HTR4: variants seen among roughly 807,000 people sequenced by gnomAD.
The protein encoded by HTR4 is 5-hydroxytryptamine receptor 4.
A neutral mutation model predicts 36.8 loss-of-function variants in HTR4; 16 were observed. That is an observed-to-expected ratio of 0.43 (90% confidence interval 0.29 to 0.66). The LOEUF is 0.66. HTR4 is among the 30% of genes least tolerant of loss of function. HTR4 has a pLI of 0.13. For synonymous variants in HTR4, 189 were observed against 185.1 expected (o/e 1.02, Z -0.17); for missense variants, 438 against 490.9 (o/e 0.89, Z 1.02).
chr5:148,504,015 A>G (rs1261578715), intron 6 of HTR4, among the ~76,000 whole-genome samples: 1 of 152,222 alleles, frequency 6.6e-6, no homozygotes, highest in Admixed American at 6.5e-5. Context: ...AGACCTACAA[A>G]GAGACTTAGA....
chr5:148,474,111 AC>A (rs1245585712), downstream of HTR4, among the ~76,000 whole-genome samples: 1 of 152,072 alleles, frequency 6.6e-6, no homozygotes, highest in Non-Finnish European at 1.5e-5. Flanking sequence ...ATATCCCTTG[AC>A]CAACTGCCCA....
intron 1 of HTR4, among the ~76,000 whole-genome samples, chr5:148,644,421 AGTT>A (rs1753816410): frequency 4.7e-5 from 4 of 85,856 alleles, no homozygotes; most frequent in East Asian, 6.9e-4. Context: ...CAAGCTCACA[AGTT>A]TTTTTTTTTT....
At chr5:148,528,336 A>T (rs73797906) in intron 4 of HTR4, among the ~76,000 whole-genome samples, 2,011 of 152,244 alleles carry the variant, frequency 0.013, 49 homozygotes, top group African/African-American at 0.045. Flanking sequence ...ATAGAACATA[A>T]GGTTCTTATT....
At chr5:148,578,283 C>T (rs1761003992) in intron 2 of HTR4, among the ~76,000 whole-genome samples, 1 of 151,842 alleles carries the variant, frequency 6.6e-6, no homozygotes, top group African/African-American at 2.4e-5. Flanking sequence ...TTAGTCTGAA[C>T]TATTTTGCAA....
chr5:148,637,644 G>A (rs1177255296), intron 1 of HTR4, among the ~76,000 whole-genome samples: 1 of 152,062 alleles, frequency 6.6e-6, no homozygotes, highest in African/African-American at 2.4e-5. Context: ...GGAACCCCAG[G>A]CTAAGAATTC....
chr5:148,467,102 C>G (rs139122016), intron 5 of HTR4, among the ~76,000 whole-genome samples: 16 of 152,258 alleles, frequency 1.1e-4, no homozygotes, highest in Non-Finnish European at 1.6e-4. Context: ...CAATAAGGAT[C>G]CATTCACTCA....
intron 4 of HTR4, among the ~76,000 whole-genome samples, chr5:148,545,319 G>C (rs959263423): frequency 1.3e-5 from 2 of 152,194 alleles, no homozygotes; most frequent in Non-Finnish European, 2.9e-5. Context: ...CAAAGAGAAC[G>C]TGCTGACCAC....
intron 2 of HTR4, among the ~76,000 whole-genome samples, chr5:148,573,776 C>G (rs1219900379): frequency 2.0e-5 from 3 of 151,908 alleles, no homozygotes; most frequent in Non-Finnish European, 2.9e-5. Context: ...CAAAGCCTTA[C>G]AATGTAGTGA....
intron 2 of HTR4, among the ~76,000 whole-genome samples, chr5:148,584,206 C>G (rs184446004): frequency 2.9e-4 from 44 of 152,212 alleles, no homozygotes; most frequent in South Asian, 4.1e-4. Flanking sequence ...GTTAGCAAAA[C>G]CTTCTAAGAG....
chr5:148,605,055 G>C (rs1439288383), intron 2 of HTR4, among the ~76,000 whole-genome samples: 1 of 152,034 alleles, frequency 6.6e-6, no homozygotes, highest in Non-Finnish European at 1.5e-5. Flanking sequence ...TGATGGCTCA[G>C]ACAGTATAGG....
downstream of HTR4, among the ~76,000 whole-genome samples, chr5:148,477,512 G>A (rs1246388822): frequency 1.3e-5 from 2 of 152,170 alleles, no homozygotes. Context: ...AGATTTGGTG[G>A]AACCTGGGCT....
intron 6 of HTR4, among the ~76,000 whole-genome samples, chr5:148,486,165 C>T (rs2113725117): frequency 6.6e-6 from 1 of 152,296 alleles, no homozygotes; most frequent in Non-Finnish European, 1.5e-5. Context: ...AGAATAATGA[C>T]AGAGTGATCT....
intron 1 of HTR4, among the ~76,000 whole-genome samples, chr5:148,647,797 T>G (rs1753917749): frequency 6.6e-6 from 1 of 152,180 alleles, no homozygotes; most frequent in East Asian, 1.9e-4. Flanking sequence ...TTCAGTGAGC[T>G]GAGATTGCAC....
At chr5:148,550,950 A>T (rs944127459) in intron 2 of HTR4, among the ~76,000 whole-genome samples, 1 of 152,154 alleles carries the variant, frequency 6.6e-6, no homozygotes, top group Non-Finnish European at 1.5e-5. Flanking sequence ...CTCTACCTAT[A>T]AAACCTGCCA....
At chr5:148,511,807 A>G (rs1757513348) in intron 5 of HTR4, among the ~76,000 whole-genome samples, 1 of 152,128 alleles carries the variant, frequency 6.6e-6, no homozygotes, top group South Asian at 2.1e-4. Flanking sequence ...CATGCTCGCC[A>G]ACATTTGGAA....
intron 5 of HTR4, among the ~76,000 whole-genome samples, chr5:148,457,243 A>G (rs538942273): frequency 3.3e-5 from 5 of 152,228 alleles, no homozygotes; most frequent in Admixed American, 2.6e-4. Flanking sequence ...ACAACTCTAG[A>G]TGAGTGGGTA....
chr5:148,524,252 C>A (rs1758158064), intron 4 of HTR4, among the ~76,000 whole-genome samples: 1 of 152,158 alleles, frequency 6.6e-6, no homozygotes, highest in African/African-American at 2.4e-5. Context: ...TGGATAGGAC[C>A]AAGGGACTAG....
At chr5:148,488,879 A>G (rs971585948) in intron 6 of HTR4, among the ~76,000 whole-genome samples, 1 of 152,158 alleles carries the variant, frequency 6.6e-6, no homozygotes, top group Non-Finnish European at 1.5e-5. Flanking sequence ...TCAATACACC[A>G]AAGTGCGAGA....
chr5:148,479,392 A>C (rs759265914), downstream of HTR4, among the ~76,000 whole-genome samples: 1 of 152,014 alleles, frequency 6.6e-6, no homozygotes, highest in Non-Finnish European at 1.5e-5. Flanking sequence ...GAGGCATGGG[A>C]GTTGACTTTG....
Sources: allele counts gnomAD v4.1 joint callset (sites outside exome capture counted in the v4.1 genomes callset), GRCh38; gene constraint gnomAD v4.1.1; transcripts MANE v1.5; gene names NCBI Gene and HGNC (gene_info 2026-07-23, HGNC 2026-07-21).